The following NRG1 variants were observed in gnomAD, a reference collection of about 807,000 sequenced individuals.
The protein encoded by NRG1 is pro-neuregulin-1, membrane-bound isoform.
Under a neutral mutation model 63.8 loss-of-function variants are expected in NRG1, and 18 were observed. The observed-to-expected ratio is 0.28, with a 90% confidence interval of 0.19 to 0.42. The LOEUF (loss-of-function observed/expected upper bound fraction) is 0.42, where lower values mean the gene tolerates loss of function less well. Among genes scored for constraint, NRG1 ranks in the 10% least tolerant of loss-of-function variants. NRG1 has a pLI of 1.00. For missense variants in NRG1, 762 were observed against 814.7 expected (o/e 0.94, Z 0.79); for synonymous variants, 302 against 301.3 (o/e 1.00, Z -0.02).
Position 32,344,372 on chromosome 8 carries a change from T to TTCTTCC in NRG1, c.38-251452_38-251451insCCTCTT, listed in dbSNP as rs1554513684. Among the ~76,000 whole-genome samples, 111 of 58,746 alleles carry TTCTTCC rather than the reference T, an allele frequency of 1.9e-3. 8 individuals are homozygous for TTCTTCC. The East Asian group carries it at 0.035, about 19-fold the overall frequency. 38.5% of individuals were successfully genotyped at this position (58,746 alleles called of 152,430 possible). On this transcript the variant is annotated intron_variant, in intron 1 of 10. Coordinates refer to the NRG1 transcript ENST00000519301. Reference sequence around the variant, plus strand: ...TTTCTTTCTTTCTTTCTTTCTTTCTTTCTTTCTTTCTCTTTCTTTCTTTTT... The same window carrying TTCTTCC: ...TTTCTTTCTTTCTTTCTTTCTTTCTTTCTTCCTCTTTCTTTCTCTTTCTTTCTTTTT...
chr8:32,708,411 A>G (rs1258893587), intron 5 of NRG1, among the ~76,000 whole-genome samples: 1 of 152,184 alleles, frequency 6.6e-6, no homozygotes, highest in Non-Finnish European at 1.5e-5. Context: ...CCAAAATTGT[A>G]TGCTTGGTTT....
At position 32,440,457 on chromosome 8, in the gene NRG1, C is replaced by A. The variant is rs146987708; in HGVS notation, c.38-155371C>A. Among the ~76,000 whole-genome samples the A allele has an allele frequency of 1.4e-3, 218 of 152,186 alleles. 1 individual carries two copies. The highest frequency in any genetic ancestry group is 1.9e-3 in the Non-Finnish European group (129 of 68,020). On this transcript the variant is annotated intron_variant, in intron 1 of 10. Coordinates refer to the NRG1 transcript ENST00000519301. ...TACAGGTGTGAGCCAGTACACCCAG[C>A]CAAGAAGTGATTTGTATAATGGCAG...
chr8:32,588,200 G>A (rs1383419605), intron 1 of NRG1, among the ~76,000 whole-genome samples: 3 of 152,136 alleles, frequency 2.0e-5, no homozygotes, highest in Non-Finnish European at 4.4e-5. Context: ...GGGATTGCAG[G>A]TATGAGCCAC....
intron 5 of NRG1, among the ~76,000 whole-genome samples, chr8:32,680,494 C>T (rs1033316224): frequency 1.3e-5 from 2 of 152,052 alleles, no homozygotes; most frequent in African/African-American, 2.4e-5. Context: ...CCAGTTTGCC[C>T]GTGTGAGAAC....
chr8:32,467,547 A>G (rs1410854854), intron 1 of NRG1, among the ~76,000 whole-genome samples: 2 of 152,216 alleles, frequency 1.3e-5, no homozygotes, highest in Non-Finnish European at 2.9e-5. Context: ...TTCTGCATAG[A>G]GCTTAATTCA....
At chr8:32,491,118 C>T (rs912040624) in intron 1 of NRG1, among the ~76,000 whole-genome samples, 1 of 152,130 alleles carries the variant, frequency 6.6e-6, no homozygotes, top group Non-Finnish European at 1.5e-5. Context: ...ACTATCCCTA[C>T]CTTGCAGAAA....
chr8:32,157,629 G>A (rs1994058), intron 1 of NRG1, among the ~76,000 whole-genome samples: 139,407 of 150,588 alleles, frequency 0.93, 64,712 homozygotes, highest in East Asian at 1. Context: ...ATTGCATAAT[G>A]GAGTGAAACT....
At chr8:32,389,565 T>C (rs548507701) in intron 1 of NRG1, among the ~76,000 whole-genome samples, 40 of 152,272 alleles carry the variant, frequency 2.6e-4, no homozygotes, top group African/African-American at 9.4e-4. Flanking sequence ...TGAATCAGTA[T>C]GTCTCTGCAT....
intron 1 of NRG1, among the ~76,000 whole-genome samples, chr8:32,478,749 C>T: frequency 6.6e-6 from 1 of 152,128 alleles, no homozygotes; most frequent in East Asian, 1.9e-4. Flanking sequence ...TCAAATTGTC[C>T]TTTGGCATTA....
chr8:32,293,662 A>AT (rs1449992209), intron 1 of NRG1, among the ~76,000 whole-genome samples: 2 of 138,484 alleles, frequency 1.4e-5, no homozygotes, highest in East Asian at 4.4e-4. Flanking sequence ...TTTTATTTTT[A>AT]TTTTTTACAT....
At chr8:32,694,957 G>A (rs1812872635) in intron 5 of NRG1, among the ~76,000 whole-genome samples, 1 of 152,130 alleles carries the variant, frequency 6.6e-6, no homozygotes, top group African/African-American at 2.4e-5. Flanking sequence ...ACCTGGCATG[G>A]TGCCCTGCAA....
chr8:32,180,023 A>G (rs1209928055), intron 1 of NRG1, among the ~76,000 whole-genome samples: 3 of 152,026 alleles, frequency 2.0e-5, no homozygotes, highest in Middle Eastern at 3.2e-3. Flanking sequence ...AAACCTGAGC[A>G]TATATTTTGT....
chr8:31,693,464 C>A (rs536244223), intron 1 of NRG1, among the ~76,000 whole-genome samples: 223 of 151,508 alleles, frequency 1.5e-3, no homozygotes, highest in Admixed American at 3.6e-3. Context: ...TGGTTATAGA[C>A]CCTCGTTTTA....
chr8:31,889,108 C>CT (rs1261437613), intron 1 of NRG1, among the ~76,000 whole-genome samples: 2 of 152,090 alleles, frequency 1.3e-5, no homozygotes, highest in Admixed American at 6.6e-5. Context: ...ATAATAGAAA[C>CT]TGAACTGAAA....
chr8:32,109,937 C>T (rs905521156), intron 1 of NRG1, among the ~76,000 whole-genome samples: 15 of 152,122 alleles, frequency 9.9e-5, no homozygotes, highest in African/African-American at 3.6e-4. Flanking sequence ...CTTTAACTTT[C>T]TAGTTATGGC....
At chr8:32,377,891 A>C (rs980112538) in intron 1 of NRG1, among the ~76,000 whole-genome samples, 1 of 152,212 alleles carries the variant, frequency 6.6e-6, no homozygotes, top group Non-Finnish European at 1.5e-5. Context: ...TCATGATTAC[A>C]CTTCCAGTAC....
chr8:32,064,719 C>A (rs1269304562), intron 1 of NRG1, among the ~76,000 whole-genome samples: 1 of 152,132 alleles, frequency 6.6e-6, no homozygotes, highest in African/African-American at 2.4e-5. Context: ...GGAAATGACT[C>A]ATTTACTTAT....
At chr8:32,477,756 G>T (rs1824707788) in intron 1 of NRG1, among the ~76,000 whole-genome samples, 1 of 152,120 alleles carries the variant, frequency 6.6e-6, no homozygotes, top group Admixed American at 6.5e-5. Flanking sequence ...TTACTAATAA[G>T]AATTATTAAT....
intron 1 of NRG1, among the ~76,000 whole-genome samples, chr8:32,464,969 G>C (rs1296021639): frequency 1.3e-5 from 2 of 152,100 alleles, no homozygotes; most frequent in Admixed American, 6.5e-5. Flanking sequence ...GAGGCCAGGA[G>C]TTCGAGACCA....
Sources: allele counts gnomAD v4.1 joint callset (sites outside exome capture counted in the v4.1 genomes callset), GRCh38; gene constraint gnomAD v4.1.1; transcripts MANE v1.5; gene names NCBI Gene and HGNC (gene_info 2026-07-23, HGNC 2026-07-21).